IGSF11: variants seen among roughly 807,000 people sequenced by gnomAD.
IGSF11 encodes the protein CXADR like 1.
A neutral mutation model predicts 41.0 loss-of-function variants in IGSF11; 22 were observed. That is an observed-to-expected ratio of 0.54 (90% confidence interval 0.38 to 0.77). The LOEUF (loss-of-function observed/expected upper bound fraction) is 0.77. Among genes scored for constraint, IGSF11 ranks in the 30% least tolerant of loss-of-function variants. IGSF11 has a pLI of 0.00. For missense variants in IGSF11, 444 were observed against 530.8 expected, an observed-to-expected ratio of 0.84 and a Z score of 1.61; for synonymous variants, 219 against 201.3, an observed-to-expected ratio of 1.09 and a Z score of -0.74.
chr3:118,911,111 A>G (rs770348253), intron 4 of IGSF11, among the ~76,000 whole-genome samples: 11 of 152,188 alleles, frequency 7.2e-5, no homozygotes, highest in Non-Finnish European at 1.2e-4. Context: ...GTGTATGTTT[A>G]TGTGTGTGTG....
chr3:119,120,834 C>A (rs930612482), intron 1 of IGSF11, among the ~76,000 whole-genome samples: 2 of 152,156 alleles, frequency 1.3e-5, no homozygotes, highest in Non-Finnish European at 2.9e-5. Flanking sequence ...TATAAAAGAT[C>A]CTAGTTTACG....
intron 1 of IGSF11, among the ~76,000 whole-genome samples, chr3:118,936,567 TA>T (rs1334737561): frequency 6.6e-6 from 1 of 151,952 alleles, no homozygotes; most frequent in Non-Finnish European, 1.5e-5. Flanking sequence ...GTAAAATGCA[TA>T]ATTTAAGAGC....
chr3:119,049,269 C>A (rs1477196420), intron 1 of IGSF11, among the ~76,000 whole-genome samples: 1 of 151,324 alleles, frequency 6.6e-6, no homozygotes, highest in Non-Finnish European at 1.5e-5. Flanking sequence ...AGCCCAAAAT[C>A]TCCTTAAGCT....
intron 1 of IGSF11, among the ~76,000 whole-genome samples, chr3:119,140,711 T>C (rs189356912): frequency 5.4e-4 from 82 of 152,202 alleles, no homozygotes; most frequent in Non-Finnish European, 6.3e-4. Flanking sequence ...AAACCATATG[T>C]TATACCATAA....
intron 1 of IGSF11, among the ~76,000 whole-genome samples, chr3:119,124,060 TCAGA>T (rs1265952220): frequency 2.0e-5 from 3 of 152,128 alleles, no homozygotes; most frequent in Non-Finnish European, 4.4e-5. Flanking sequence ...ATGTAACTAT[TCAGA>T]CAGAGAATTC....
intron 3 of IGSF11, among the ~76,000 whole-genome samples, chr3:118,926,823 C>G (rs977461464): frequency 6.6e-6 from 1 of 151,816 alleles, no homozygotes; most frequent in Non-Finnish European, 1.5e-5. Flanking sequence ...TAAGGCAGGA[C>G]ACAAAAAACA....
At chr3:119,111,624 T>A (rs1691720534) in intron 1 of IGSF11, among the ~76,000 whole-genome samples, 1 of 152,238 alleles carries the variant, frequency 6.6e-6, no homozygotes, top group Non-Finnish European at 1.5e-5. Flanking sequence ...CTTTGTTCGG[T>A]TGCTGGTGAG....
chr3:118,926,661 G>A (rs535298908), intron 3 of IGSF11, among the ~76,000 whole-genome samples: 26 of 152,274 alleles, frequency 1.7e-4, no homozygotes, highest in African/African-American at 6.0e-4. Context: ...CTGCCCTGGC[G>A]AAAACCACTT....
chr3:119,076,732 G>C (rs1576769104), intron 1 of IGSF11, among the ~76,000 whole-genome samples: 2 of 152,192 alleles, frequency 1.3e-5, no homozygotes, highest in East Asian at 3.9e-4. Flanking sequence ...ACACCAGTTA[G>C]AATGGCGATC....
chr3:119,077,210 T>C (rs1303291271), intron 1 of IGSF11, among the ~76,000 whole-genome samples: 6 of 151,942 alleles, frequency 3.9e-5, no homozygotes, highest in Admixed American at 2.0e-4. Context: ...TAGGTGGGAA[T>C]TGAACAACGA....
chr3:119,043,706 A>G (rs954616383), intron 1 of IGSF11, among the ~76,000 whole-genome samples: 2 of 152,184 alleles, frequency 1.3e-5, no homozygotes, highest in African/African-American at 4.8e-5. Flanking sequence ...CATGGCTGGG[A>G]GACCTAAAGA....
chr3:118,933,470 T>A (rs35605620), intron 1 of IGSF11, among the ~76,000 whole-genome samples: 14,384 of 146,116 alleles, frequency 0.098, 788 homozygotes, highest in Middle Eastern at 0.12. Flanking sequence ...CATGTATTTT[T>A]TATATATATA....
intron 1 of IGSF11, among the ~76,000 whole-genome samples, chr3:119,112,445 G>A (rs934357707): frequency 5.3e-5 from 8 of 152,190 alleles, no homozygotes; most frequent in Non-Finnish European, 1.0e-4. Flanking sequence ...AAGCCTGTTG[G>A]AAAAGCGCAG....
intron 1 of IGSF11, among the ~76,000 whole-genome samples, chr3:119,032,478 G>T (rs915884838): frequency 6.6e-6 from 1 of 152,104 alleles, no homozygotes; most frequent in Non-Finnish European, 1.5e-5. Context: ...ATGGCCAGCC[G>T]AATAAAGCCC....
intron 1 of IGSF11, among the ~76,000 whole-genome samples, chr3:119,054,983 T>C (rs1941768442): frequency 6.6e-6 from 1 of 152,114 alleles, no homozygotes; most frequent in African/African-American, 2.4e-5. Flanking sequence ...GACAAAACTT[T>C]CAGAGGAACA....
intron 1 of IGSF11, among the ~76,000 whole-genome samples, chr3:118,962,871 T>A (rs962192278): frequency 3.3e-5 from 5 of 152,216 alleles, no homozygotes; most frequent in African/African-American, 1.2e-4. Context: ...AAAACAGTAA[T>A]TACAGGTATA....
At chr3:118,961,217 A>T (rs890330597) in intron 1 of IGSF11, among the ~76,000 whole-genome samples, 5 of 152,230 alleles carry the variant, frequency 3.3e-5, no homozygotes, top group African/African-American at 7.2e-5. Context: ...TCCTGCTGAG[A>T]TGTGGCTGGT....
At chr3:119,086,072 T>G (rs538492443) in intron 1 of IGSF11, among the ~76,000 whole-genome samples, 1 of 152,320 alleles carries the variant, frequency 6.6e-6, no homozygotes, top group African/African-American at 2.4e-5. Context: ...TTATGGCATA[T>G]GCACTATGGA....
At chr3:118,920,633 A>AG (rs1941682144) in intron 4 of IGSF11, among the ~76,000 whole-genome samples, 1 of 127,948 alleles carries the variant, frequency 7.8e-6, no homozygotes, top group Non-Finnish European at 1.5e-5. Flanking sequence ...TTAAACACAG[A>AG]GAAAAACGAA....
Sources: gnomAD v4.1 joint callset for allele counts (sites outside exome capture counted in the v4.1 genomes callset) on GRCh38, gnomAD v4.1.1 for gene constraint, MANE v1.5 for transcripts, NCBI Gene and HGNC (gene_info 2026-07-23, HGNC 2026-07-21) for gene names.